Variants in MMP16 observed in about 807,000 individuals in gnomAD.
MMP16 encodes the protein matrix metalloproteinase-16.
MMP16 carries 12 observed loss-of-function variants against 67.8 expected under a neutral mutation model. That is an observed-to-expected ratio of 0.18 (90% CI 0.11 to 0.29). The LOEUF is 0.29. Ranked by LOEUF, MMP16 falls within the 10% of genes least tolerant of loss-of-function variation. The pLI is 1.00. For missense variants in MMP16, 475 were observed against 765.7 expected, an observed-to-expected ratio of 0.62 and a Z score of 4.48; for synonymous variants, 249 against 255.9, an observed-to-expected ratio of 0.97 and a Z score of 0.26.
chr8:88,216,322 T>G (rs1450425276), intron 1 of MMP16, among the ~76,000 whole-genome samples: 3 of 152,194 alleles, frequency 2.0e-5, no homozygotes, highest in African/African-American at 7.2e-5. Context: ...GTTTTAATTT[T>G]TCTGAACCAT....
chr8:88,149,545 C>A lies in MMP16; in HGVS notation c.709+18124G>T, dbSNP rs569630655. Reference sequence around the variant, plus strand: ...GGGGGGACTGCCTCCTCAAGTGGGTCCCTGACCCCTGACCCCCGAGCAGCC... The same window carrying A: ...GGGGGGACTGCCTCCTCAAGTGGGTACCTGACCCCTGACCCCCGAGCAGCC... On this transcript the variant is annotated intron_variant, in intron 4 of 9. Transcript: ENST00000286614. 2.6e-3 allele frequency among the ~76,000 whole-genome samples: 402 copies of A among 152,244 alleles called. 2 individuals are homozygous for A. The highest frequency in any genetic ancestry group is 9.4e-3 in the African/African-American group (391 of 41,550).
chr8:88,324,367 C>T (rs1488016903), intron 1 of MMP16, among the ~76,000 whole-genome samples: 1 of 152,100 alleles, frequency 6.6e-6, no homozygotes, highest in African/African-American at 2.4e-5. Flanking sequence ...TAGCCAACCA[C>T]CCTCTTCAAA....
chr8:88,169,636 A>C (rs1808767886), intron 3 of MMP16, among the ~76,000 whole-genome samples: 1 of 152,186 alleles, frequency 6.6e-6, no homozygotes, highest in African/African-American at 2.4e-5. Context: ...CATTACATAA[A>C]AGAAATAAGA....
chr8:88,147,540 G>C (rs778544793), intron 4 of MMP16, among the ~76,000 whole-genome samples: 2 of 151,956 alleles, frequency 1.3e-5, no homozygotes, highest in Non-Finnish European at 2.9e-5. Flanking sequence ...TAAGTGAATG[G>C]TCAACTGCCT....
At chr8:88,160,444 C>T (rs1263046062) in intron 4 of MMP16, among the ~76,000 whole-genome samples, 2 of 151,684 alleles carry the variant, frequency 1.3e-5, no homozygotes, top group African/African-American at 4.8e-5. Flanking sequence ...AAGAAAAAAA[C>T]AAACAACCCC....
intron 1 of MMP16, among the ~76,000 whole-genome samples, chr8:88,240,796 C>G (rs1340015231): frequency 1.3e-5 from 2 of 152,046 alleles, no homozygotes; most frequent in African/African-American, 4.8e-5. Context: ...ATTACCTATT[C>G]CCTATTCATG....
chr8:88,304,067 C>A (rs1311319135), intron 1 of MMP16, among the ~76,000 whole-genome samples: 2 of 152,114 alleles, frequency 1.3e-5, no homozygotes, highest in African/African-American at 4.8e-5. Context: ...AATACAGAAG[C>A]TGATAGCCAG....
chr8:88,069,561 A>C (rs745572842), intron 7 of MMP16: 10 of 476,018 alleles, frequency 2.1e-5, no homozygotes, highest in Non-Finnish European at 4.1e-5. Flanking sequence ...AGTATGATGA[A>C]GAAAGTATCT....
intron 4 of MMP16, among the ~76,000 whole-genome samples, chr8:88,122,852 G>A (rs947992021): frequency 7.9e-5 from 12 of 151,398 alleles, no homozygotes; most frequent in Non-Finnish European, 2.9e-5. Flanking sequence ...CTTCTAAGGC[G>A]AGGTCATACG....
chr8:88,287,053 GC>G (rs1230278261), intron 1 of MMP16, among the ~76,000 whole-genome samples: 1 of 152,060 alleles, frequency 6.6e-6, no homozygotes, highest in Non-Finnish European at 1.5e-5. Flanking sequence ...TCTCCACACT[GC>G]AACATATAAC....
intron 1 of MMP16, among the ~76,000 whole-genome samples, chr8:88,296,468 A>C (rs1346781635): frequency 2.0e-5 from 3 of 152,124 alleles, no homozygotes; most frequent in Non-Finnish European, 4.4e-5. Context: ...GAAATATTTT[A>C]TACACTATTA....
At chr8:88,147,418 T>C (rs1808312144) in intron 4 of MMP16, among the ~76,000 whole-genome samples, 1 of 152,120 alleles carries the variant, frequency 6.6e-6, no homozygotes, top group Non-Finnish European at 1.5e-5. Context: ...TATTAATGTG[T>C]GCATGCAATG....
chr8:88,315,248 C>A (rs1811358960), intron 1 of MMP16, among the ~76,000 whole-genome samples: 1 of 152,160 alleles, frequency 6.6e-6, no homozygotes, highest in Non-Finnish European at 1.5e-5. Context: ...AGAGCATGTG[C>A]TCACTTCACA....
intron 6 of MMP16, among the ~76,000 whole-genome samples, chr8:88,096,864 G>A (rs907229045): frequency 1.3e-5 from 2 of 151,954 alleles, no homozygotes; most frequent in East Asian, 2.0e-4. Context: ...ACACCCTAAC[G>A]TTATACATTC....
At chr8:88,229,840 A>G (rs576570032) in intron 1 of MMP16, among the ~76,000 whole-genome samples, 1 of 152,236 alleles carries the variant, frequency 6.6e-6, no homozygotes, top group East Asian at 1.9e-4. Context: ...GAGAATAAGT[A>G]ATGCTGTATT....
At chr8:88,052,271 GC>G (rs1808280435) in intron 8 of MMP16, among the ~76,000 whole-genome samples, 2 of 152,114 alleles carry the variant, frequency 1.3e-5, no homozygotes, top group Admixed American at 1.3e-4. Context: ...TTCTGTGTCT[GC>G]CTTATCTCCA....
chr8:88,234,408 C>A (rs911335350), intron 1 of MMP16, among the ~76,000 whole-genome samples: 1 of 152,166 alleles, frequency 6.6e-6, no homozygotes, highest in African/African-American at 2.4e-5. Flanking sequence ...CAAGTGAACA[C>A]AATTACTTTT....
At chr8:88,229,999 C>T (rs1809833691) in intron 1 of MMP16, among the ~76,000 whole-genome samples, 1 of 152,098 alleles carries the variant, frequency 6.6e-6, no homozygotes, top group Admixed American at 6.6e-5. Context: ...AAATCCCCTT[C>T]TCATTAGAAG....
At chr8:88,105,567 C>G (rs1363389458) in intron 6 of MMP16, among the ~76,000 whole-genome samples, 1 of 151,462 alleles carries the variant, frequency 6.6e-6, no homozygotes, top group Non-Finnish European at 1.5e-5. Context: ...AACCAAATGT[C>G]AAGCAAATAA....
Sources: allele counts gnomAD v4.1 joint callset (sites outside exome capture counted in the v4.1 genomes callset), GRCh38; gene constraint gnomAD v4.1.1; transcripts MANE v1.5; gene names NCBI Gene and HGNC (gene_info 2026-07-23, HGNC 2026-07-21).